TEC: variants seen among roughly 807,000 people sequenced by gnomAD.
TEC encodes the protein tec protein tyrosine kinase.
A neutral mutation model predicts 93.0 loss-of-function variants in TEC; 72 were observed. That is an observed-to-expected ratio of 0.77 (90% CI 0.64 to 0.94). TEC has a LOEUF of 0.94. Among genes scored for constraint, TEC ranks in the 40% least tolerant of loss-of-function variants. The pLI is 0.00. For synonymous variants in TEC, 249 were observed against 247.7 expected (o/e 1.01, Z -0.05); for missense variants, 630 against 757.9 (o/e 0.83, Z 1.98).
At chr4:48,140,570 G>A (rs1231810049) in intron 15 of TEC, among the ~76,000 whole-genome samples, 1 of 152,168 alleles carries the variant, frequency 6.6e-6, no homozygotes, top group East Asian at 1.9e-4. Flanking sequence ...AGGCCATACA[G>A]TCCCCGTGAC....
At chr4:48,169,197 C>T (rs1458658307) in intron 5 of TEC, among the ~76,000 whole-genome samples, 4 of 152,066 alleles carry the variant, frequency 2.6e-5, no homozygotes, top group African/African-American at 7.2e-5. Flanking sequence ...ACTGCTAGAG[C>T]TGGAGCAACC....
chr4:48,137,907 TCCTTA>T (rs1577689504), intron 17 of TEC, among the ~76,000 whole-genome samples: 1 of 152,132 alleles, frequency 6.6e-6, no homozygotes, highest in East Asian at 1.9e-4. Context: ...TATAACCACC[TCCTTA>T]CCTTTGCTCA....
At chr4:48,227,547 G>A (rs576105947) in intron 2 of TEC, among the ~76,000 whole-genome samples, 17 of 151,548 alleles carry the variant, frequency 1.1e-4, no homozygotes, top group South Asian at 8.4e-4. Flanking sequence ...GGGAAGCTGC[G>A]GCAGAAGAAT....
chr4:48,144,473 C>T (rs1719819444), intron 14 of TEC, among the ~76,000 whole-genome samples: 1 of 151,936 alleles, frequency 6.6e-6, no homozygotes, highest in Admixed American at 6.6e-5. Context: ...AGAAGAAAAA[C>T]AGAAGGAAAA....
intron 2 of TEC, among the ~76,000 whole-genome samples, chr4:48,204,676 A>C (rs997441472): frequency 2.0e-5 from 3 of 152,186 alleles, no homozygotes; most frequent in Admixed American, 6.5e-5. Context: ...TCCACTTCAC[A>C]TCATCAAGCA....
chr4:48,238,533 C>A (rs1723843123), intron 1 of TEC, among the ~76,000 whole-genome samples: 1 of 152,098 alleles, frequency 6.6e-6, no homozygotes, highest in African/African-American at 2.4e-5. Flanking sequence ...TCCCCTACCC[C>A]AGTCCACTAC....
chr4:48,192,667 A>G (rs1229562695), intron 2 of TEC, among the ~76,000 whole-genome samples: 1 of 152,208 alleles, frequency 6.6e-6, no homozygotes, highest in East Asian at 1.9e-4. Context: ...AAAAATGAGT[A>G]GAAAGATTAA....
At chr4:48,231,430 T>G in intron 1 of TEC, among the ~76,000 whole-genome samples, 1 of 152,188 alleles carries the variant, frequency 6.6e-6, no homozygotes, top group East Asian at 1.9e-4. Flanking sequence ...TTCATCTTTG[T>G]GCAACACATT....
At chr4:48,146,698 G>A (rs752284419) in intron 11 of TEC, among the ~76,000 whole-genome samples, 1 of 152,120 alleles carries the variant, frequency 6.6e-6, no homozygotes, top group African/African-American at 2.4e-5. Flanking sequence ...AACTATGAAA[G>A]GGAATTAGAT....
At chr4:48,149,027 A>G (rs1413281574) in intron 11 of TEC, among the ~76,000 whole-genome samples, 1 of 152,160 alleles carries the variant, frequency 6.6e-6, no homozygotes, top group Non-Finnish European at 1.5e-5. Context: ...ACGGCTTCAT[A>G]GATTCCATGG....
chr4:48,149,889 C>T (rs866624712), intron 10 of TEC, among the ~76,000 whole-genome samples, 199 bp from the exon 11 acceptor site: 1 of 152,178 alleles, frequency 6.6e-6, no homozygotes, highest in Non-Finnish European at 1.5e-5. Flanking sequence ...TCACTGAAAA[C>T]ATACTTGGCC....
chr4:48,188,123 C>T (rs1577735964), intron 2 of TEC, among the ~76,000 whole-genome samples: 1 of 152,286 alleles, frequency 6.6e-6, no homozygotes, highest in Admixed American at 6.5e-5. Context: ...CCTTCCTTGT[C>T]GCCCTACTGG....
intron 11 of TEC, among the ~76,000 whole-genome samples, chr4:48,146,900 C>T (rs1719939456): frequency 6.6e-6 from 1 of 152,166 alleles, no homozygotes; most frequent in African/African-American, 2.4e-5. Context: ...ACCCATAGCA[C>T]TCTGTATTTC....
At chr4:48,148,327 C>T (rs780239869) in intron 11 of TEC, among the ~76,000 whole-genome samples, 1 of 152,026 alleles carries the variant, frequency 6.6e-6, no homozygotes, top group Non-Finnish European at 1.5e-5. Context: ...GCAAAGGGTG[C>T]CTTCAATAAA....
intron 2 of TEC, among the ~76,000 whole-genome samples, chr4:48,181,177 G>A (rs1037989295): frequency 6.6e-6 from 1 of 152,162 alleles, no homozygotes; most frequent in African/African-American, 2.4e-5. Context: ...GAACAACCAG[G>A]TGAAAGTTAA....
At chr4:48,221,396 T>G (rs2109627091) in intron 2 of TEC, among the ~76,000 whole-genome samples, 1 of 152,324 alleles carries the variant, frequency 6.6e-6, no homozygotes, top group East Asian at 1.9e-4. Context: ...CCCGCTTTGC[T>G]CAGCACTTCT....
chr4:48,218,619 C>T (rs1233890661), intron 2 of TEC, among the ~76,000 whole-genome samples: 10 of 152,130 alleles, frequency 6.6e-5, no homozygotes. Context: ...CCCAATAAAC[C>T]TACAGTTTCC....
In TEC at chr4:48,249,343, C is replaced by G. The variant is rs558230018; in HGVS notation, c.-46+20409G>C. Among the ~76,000 whole-genome samples, 78 of 152,278 alleles carry G rather than the reference C, an allele frequency of 5.1e-4. 1 individual carries two copies. Among genetic ancestry groups the G allele is most frequent in the African/African-American group, 1.9e-3 (78 of 41,548 alleles). The stretch of plus-strand genomic sequence containing the variant: ...GAATAAAGTACAGAAATAGGTAAAT[C>G]AGGAATATGATCCTTGGTCTGTATC... On this transcript the variant is annotated intron_variant, in intron 1 of 17. Coordinates refer to ENST00000381501, the MANE Select transcript of TEC (RefSeq NM_003215.3).
chr4:48,138,810 C>T lies in TEC; in HGVS notation c.1667G>A (p.Trp556Ter). ...CATTCTGCCTTCCGTGAATACTTCC[C>T]ACATTAAAACACCTGGAAAAGGATA... is the stretch of plus-strand genomic sequence containing the variant. Reference protein sequence around the residue: ...SDVWSFGVLMWEVFTEGRMPF... With the variant: ...SDVWSFGVLM Residue 556 changes from tryptophan (W) to a stop codon, truncating the protein, a stop_gained, in exon 17 of 18, where the codon TGG (tryptophan) becomes TAG (stop). Coordinates refer to ENST00000381501, the MANE Select transcript of TEC (RefSeq NM_003215.3). LOFTEE classifies it high-confidence loss of function. 1 of 1,613,544 alleles carries T rather than the reference C, an allele frequency of 6.2e-7. No homozygotes were observed.
Sources: allele counts gnomAD v4.1 joint callset (sites outside exome capture counted in the v4.1 genomes callset), GRCh38; gene constraint gnomAD v4.1.1; transcripts MANE v1.5; gene names NCBI Gene and HGNC (gene_info 2026-07-23, HGNC 2026-07-21).